Variants in SCNN1G observed in about 807,000 individuals in gnomAD.
SCNN1G encodes sodium channel epithelial 1 subunit gamma.
A neutral mutation model predicts 64.6 loss-of-function variants in SCNN1G; 27 were observed. That is an observed-to-expected ratio of 0.42 (90% CI 0.31 to 0.58). The LOEUF is 0.58. SCNN1G is among the 20% of genes least tolerant of loss of function. The pLI is 0.18. For synonymous variants in SCNN1G, 330 were observed against 314.2 expected (o/e 1.05, Z -0.53); for missense variants, 743 against 823.4 (o/e 0.90, Z 1.19).
chr16:23,185,040 A>G (rs1959583391), intron 1 of SCNN1G, among the ~76,000 whole-genome samples: 1 of 152,160 alleles, frequency 6.6e-6, no homozygotes, highest in Non-Finnish European at 1.5e-5. Flanking sequence ...AGTTCTTGGT[A>G]TTGTTAATTA....
rs953967120 is a variant in SCNN1G, at chr16:23,214,991, C to G, written c.1570-98C>G. The G allele has an allele frequency of 1.3e-5, 18 of 1,427,178 alleles. No individual in the cohort carries two copies. In the African/African-American group the frequency reaches 1.7e-4, roughly 13 times the overall value. 88.4% of individuals were successfully genotyped at this position (1,427,178 alleles called of 1,614,324 possible). A position where few individuals can be genotyped will look rare whatever the true frequency, so the allele number is the denominator to read the frequency against. ...TTCTTCCTCCCAGCCTGTGCAGGGT[C>G]GGGGCTGACCCGTGGCTCCCTTGGG... On this transcript the variant is annotated intron_variant, in intron 12 of 12. Transcript: ENST00000300061.
At chr16:23,198,256 C>T (rs767431818) in intron 6 of SCNN1G, among the ~76,000 whole-genome samples, 9 of 152,232 alleles carry the variant, frequency 5.9e-5, no homozygotes, top group Admixed American at 1.3e-4. Context: ...ACAAGTAAGC[C>T]GCAGACTCCA....
chr16:23,206,463 G>T (rs986079177), intron 6 of SCNN1G, among the ~76,000 whole-genome samples: 2 of 152,146 alleles, frequency 1.3e-5, no homozygotes, highest in Non-Finnish European at 2.9e-5. Context: ...CTTAAAGAAT[G>T]AGCTTGCTGG....
At position 23,216,371 on chromosome 16, in the gene SCNN1G, GA is replaced by G. The variant is rs1960159042; in HGVS notation, c.*903del. On this transcript the variant is annotated 3_prime_UTR_variant, in exon 13 of 13. Transcript: ENST00000300061. ...TGCTCTGGGCAGCTGTTCCAAGACA[GA>G]GCTGACCCTTCCATTACCAATGGCC... The G allele has an allele frequency of 2.6e-5, 4 of 152,188 alleles. No individual in the cohort carries two copies. Among genetic ancestry groups the G allele is most frequent in the Admixed American group, 6.5e-5 (1 of 15,272 alleles). The allele number at this position is 152,188 out of a possible 1,614,324, so 9.4% of individuals were successfully genotyped here. A position where few individuals can be genotyped will look rare whatever the true frequency, so the allele number is the denominator to read the frequency against.
chr16:23,211,050 A>T (rs1289785741), intron 7 of SCNN1G, among the ~76,000 whole-genome samples: 1 of 152,168 alleles, frequency 6.6e-6, no homozygotes, highest in Non-Finnish European at 1.5e-5. Context: ...AAAATAAAAA[A>T]AGTGAGCTCA....
At position 23,213,144 on chromosome 16, in the gene SCNN1G, G is replaced by C; in HGVS notation, c.1474G>C (p.Val492Leu). The C allele has an allele frequency of 1.2e-6, 2 of 1,612,792 alleles. No individual in the cohort carries two copies. Among genetic ancestry groups the C allele is most frequent in the Non-Finnish European group, 1.7e-6 (2 of 1,179,504 alleles). The change falls in exon 11 of 13, where the codon GTA becomes CTA. Residue 492 changes from valine to leucine, a missense_variant. Coordinates refer to ENST00000300061, the MANE Select transcript of SCNN1G (RefSeq NM_001039.4). ...PVLTWDQGRQ[V>L]NKKLNKTDLA... ...TCTCACTTGGGACCAAGGCCGGCAA[G>C]TAAACAAAAAGCTCAACAAGTAAGT...
At chr16:23,184,745 T>TG (rs1236963719) in intron 1 of SCNN1G, among the ~76,000 whole-genome samples, 2 of 143,220 alleles carry the variant, frequency 1.4e-5, no homozygotes, top group Non-Finnish European at 3.1e-5. Context: ...GGGTTCAGGG[T>TG]GGGAAAAAAA....
chr16:23,193,941 A>T (rs1959752972), intron 4 of SCNN1G, among the ~76,000 whole-genome samples: 1 of 147,062 alleles, frequency 6.8e-6, no homozygotes, highest in Non-Finnish European at 1.5e-5. Context: ...GATGAAGGTG[A>T]GAAGATTCCG....
chr16:23,207,059 A>G (rs2141941491), intron 6 of SCNN1G, among the ~76,000 whole-genome samples: 1 of 152,312 alleles, frequency 6.6e-6, no homozygotes. Context: ...GCTTCGGAAA[A>G]CAACCTGAAC....
At chr16:23,196,611 T>A (rs1056092267) in intron 5 of SCNN1G, 2 of 154,986 alleles carry the variant, frequency 1.3e-5, no homozygotes, top group Admixed American at 6.3e-5. Flanking sequence ...ACAAGGGCAA[T>A]TGGTAAACAA....
rs77195346 is a variant in SCNN1G, at chr16:23,192,126, G to A, written c.619-226G>A. On this transcript the variant is annotated intron_variant, in intron 3 of 12. Transcript: ENST00000300061. ...GTGGGCAAGTAGTGCAGAGTTGCAG[G>A]AGTAGGACTCTGTGTCCTTTCTCAC... 0.059 allele frequency among the ~76,000 whole-genome samples: 8,935 copies of A among 152,214 alleles called. 341 individuals are homozygous for A. The highest frequency in any genetic ancestry group is 0.074 in the Non-Finnish European group (5,019 of 67,996).
chr16:23,197,578 G>C (rs931237900), intron 6 of SCNN1G, 151 bp downstream of exon 6: 54 of 751,904 alleles, frequency 7.2e-5, no homozygotes, highest in Admixed American at 1.2e-4. Context: ...ATTCATTTCA[G>C]GAGTTACATT....
intron 6 of SCNN1G, among the ~76,000 whole-genome samples, chr16:23,198,586 A>C (rs1278984044): frequency 6.7e-6 from 1 of 150,246 alleles, no homozygotes; most frequent in Non-Finnish European, 1.5e-5. Flanking sequence ...AAATACAAAA[A>C]AAATCACCAG....
In SCNN1G at chr16:23,216,028, A is replaced by G. The variant is rs1960154705; in HGVS notation, c.*559A>G. 1.1e-5 allele frequency: 2 copies of G among 183,812 alleles called. No homozygotes were observed. Among genetic ancestry groups the G allele is most frequent in the South Asian group, 2.4e-4 (2 of 8,242 alleles). 11.4% of individuals were successfully genotyped at this position (183,812 alleles called of 1,614,324 possible). ...TGTCCTCCATGCCCTCAGGCAGCAG[A>G]GAACTGGCCCAGAGCCCTTGGAGTG... is the stretch of plus-strand genomic sequence containing the variant. On this transcript the variant is annotated 3_prime_UTR_variant, in exon 13 of 13. Coordinates refer to ENST00000300061, the MANE Select transcript of SCNN1G (RefSeq NM_001039.4).
At position 23,216,756 on chromosome 16, in the gene SCNN1G, C is replaced by G. The variant is rs927733196; in HGVS notation, c.*1287C>G. 2 of 152,118 alleles carry G rather than the reference C, an allele frequency of 1.3e-5. No individual in the cohort carries two copies. The highest frequency in any genetic ancestry group is 2.4e-5 in the African/African-American group (1 of 41,400). The allele number at this position is 152,118 out of a possible 1,614,324, so 9.4% of individuals were successfully genotyped here. A position where few individuals can be genotyped will look rare whatever the true frequency, so the allele number is the denominator to read the frequency against. The stretch of plus-strand genomic sequence containing the variant: ...TGCAGGGATTACAGGCACAAGCCAC[C>G]GTGCCCAGCCAAGAATTTTTATTTT... On this transcript the variant is annotated 3_prime_UTR_variant, in exon 13 of 13. Coordinates refer to ENST00000300061, the MANE Select transcript of SCNN1G (RefSeq NM_001039.4).
intron 4 of SCNN1G, among the ~76,000 whole-genome samples, chr16:23,193,097 A>C (rs1012705759): frequency 2.0e-5 from 3 of 146,926 alleles, no homozygotes; most frequent in African/African-American, 2.5e-5. Context: ...AAAAAAAAAA[A>C]CCCAACCCAC....
At chr16:23,215,038 C>A (rs1472140315) in intron 12 of SCNN1G, 51 bp from the exon 13 acceptor site, 1 of 1,611,336 alleles carries the variant, frequency 6.2e-7, no homozygotes, top group Non-Finnish European at 8.5e-7. Flanking sequence ...CTGTGTGAGG[C>A]CAACTTGGGG....
chr16:23,209,658 G>T lies in SCNN1G; in HGVS notation c.1078-92G>T, dbSNP rs1960046662. On this transcript the variant is annotated intron_variant, in intron 6 of 12. Transcript: ENST00000300061. ...AATAGCTTCTCAGCTCCCAAGGGCT[G>T]CTTGCAAAGTCCCCTGTCTGGTGCT... 6.6e-6 allele frequency: 6 copies of T among 910,120 alleles called. No individual in the cohort carries two copies. The East Asian group carries it at 1.4e-4, about 22-fold the overall frequency. 56.4% of individuals were successfully genotyped at this position (910,120 alleles called of 1,614,324 possible). A position where few individuals can be genotyped will look rare whatever the true frequency, so the allele number is the denominator to read the frequency against.
rs938304160 is a variant in SCNN1G at position 23,212,710 on chromosome 16, G to C, written c.1327G>C (p.Val443Leu). 12 of 1,614,050 alleles carry C rather than the reference G, an allele frequency of 7.4e-6. No individual in the cohort carries two copies. The highest frequency in any genetic ancestry group is 8.5e-6 in the Non-Finnish European group (10 of 1,180,038). ...YCYYQLHRAFVQEELGCQSVC... is the reference protein window; with the variant it reads ...YCYYQLHRAFLQEELGCQSVC... ...TTACTACCAACTGCATCGAGCCTTT[G>C]TCCAGGAAGAGCTGGGCTGCCAGTC... Residue 443 changes from valine (V) to leucine (L), a missense_variant, in exon 9 of 13, where the codon GTC becomes CTC. By Grantham distance (32) the Val-to-Leu change is conservative (BLOSUM62 1). Coordinates refer to ENST00000300061, the MANE Select transcript of SCNN1G (RefSeq NM_001039.4).
Sources: allele counts gnomAD v4.1 joint callset (sites outside exome capture counted in the v4.1 genomes callset), GRCh38; gene constraint gnomAD v4.1.1; transcripts MANE v1.5; gene names NCBI Gene and HGNC (gene_info 2026-07-23, HGNC 2026-07-21).